The following RAD50 variants were observed in gnomAD, a reference collection of about 807,000 sequenced individuals.
RAD50 encodes the protein DNA repair protein RAD50.
Under a neutral mutation model 168.8 loss-of-function variants are expected in RAD50, and 132 were observed. That is an observed-to-expected ratio of 0.78 (90% CI 0.68 to 0.90). RAD50 has a LOEUF of 0.90. Ranked by LOEUF, RAD50 falls within the 40% of genes least tolerant of loss-of-function variation. The pLI is 0.00. For synonymous variants in RAD50, 525 were observed against 497.4 expected (o/e 1.06, Z -0.74); for missense variants, 1,347 against 1,534.4 (o/e 0.88, Z 2.04).
chr5:132,603,973 A>G lies in RAD50; in HGVS notation c.2451A>G (p.Gln817=). The G allele has an allele frequency of 6.2e-7, 1 of 1,612,650 alleles. No homozygotes were observed. The change falls in exon 15 of 25, where the codon CAA becomes CAG. Residue 817 remains glutamine (Q), a synonymous_variant. Coordinates refer to ENST00000378823, the MANE Select transcript of RAD50 (RefSeq NM_005732.4). ...TTGCACAACAAGCAGCTAAGCTACA[A>G]GGAATAGACTTAGATCGAACTGTCC... The part of the protein sequence containing the change: ...RKIAQQAAKL[Q]GIDLDRTVQQ...
chr5:132,596,918 C>T (rs751178453), intron 13 of RAD50, among the ~76,000 whole-genome samples: 26 of 152,106 alleles, frequency 1.7e-4, no homozygotes, highest in Admixed American at 1.3e-4. Context: ...AGTCAGAACA[C>T]GGTGCAAAGG....
intron 24 of RAD50, 88 bp downstream of exon 24, chr5:132,640,893 T>C: frequency 1.9e-6 from 3 of 1,594,036 alleles, no homozygotes; most frequent in Non-Finnish European, 2.6e-6. Flanking sequence ...AAGAGAGTTC[T>C]GTGATGAAAA....
At chr5:132,619,644 A>G (rs1260600935) in intron 21 of RAD50, among the ~76,000 whole-genome samples, 1 of 152,014 alleles carries the variant, frequency 6.6e-6, no homozygotes, top group Non-Finnish European at 1.5e-5. Context: ...TATGTATTAC[A>G]AATGTCTTTT....
intron 3 of RAD50, among the ~76,000 whole-genome samples, chr5:132,577,980 A>G (rs1750428661): frequency 6.6e-6 from 1 of 151,690 alleles, no homozygotes; most frequent in Non-Finnish European, 1.5e-5. Context: ...ATGCCTGGCT[A>G]ATTTTTGTAC....
Position 132,618,954 on chromosome 5 carries a change from AAC to A in RAD50, c.3389+662_3389+663del, listed in dbSNP as rs891442880. On this transcript the variant is annotated intron_variant, in intron 21 of 24. Coordinates refer to ENST00000378823, the MANE Select transcript of RAD50 (RefSeq NM_005732.4). ...TTTTACTTTCTCTGCTTTTTTAAAA[AAC>A]AGTTTTATCATATATATGTCATATT... Among the ~76,000 whole-genome samples the A allele has an allele frequency of 6.4e-4, 97 of 152,334 alleles. 1 individual carries two copies. The highest frequency in any genetic ancestry group is 2.2e-4 in the Non-Finnish European group (15 of 68,036).
At chr5:132,583,315 AGGTAG>A (rs1750537382) in intron 5 of RAD50, among the ~76,000 whole-genome samples, 1 of 152,188 alleles carries the variant, frequency 6.6e-6, no homozygotes, top group African/African-American at 2.4e-5. Flanking sequence ...TAAGGGTTAA[AGGTAG>A]GATTTGAGTC....
intron 19 of RAD50, among the ~76,000 whole-genome samples, chr5:132,610,824 A>G (rs983000745): frequency 1.3e-5 from 2 of 152,198 alleles, no homozygotes; most frequent in African/African-American, 4.8e-5. Context: ...CTGTATATAT[A>G]TACGAAATTG....
chr5:132,642,346 G>A lies in RAD50; in HGVS notation c.3921G>A (p.Leu1307=). 6.2e-7 allele frequency: 1 copy of A among 1,613,572 alleles called. No homozygotes were observed. The highest frequency in any genetic ancestry group is 2.2e-5 in the East Asian group (1 of 44,878). The change falls in exon 25 of 25, where the codon CTG becomes CTA. Residue 1307 remains leucine, a synonymous_variant. Coordinates refer to ENST00000378823, the MANE Select transcript of RAD50 (RefSeq NM_005732.4). The part of the protein sequence containing the change: ...SEIVKCSVSS[L]GFNVH ...TTGTGAAATGCAGTGTTAGCTCCCT[G>A]GGATTCAATGTTCATTAAAAATATC...
chr5:132,602,049 A>G (rs1376464236), intron 13 of RAD50, among the ~76,000 whole-genome samples: 3 of 152,190 alleles, frequency 2.0e-5, no homozygotes, highest in Non-Finnish European at 4.4e-5. Flanking sequence ...TCATGGGTGC[A>G]GCAAACCACC....
chr5:132,588,919 C>A (rs1359019381), intron 8 of RAD50, 39 bp downstream of exon 8: 18 of 1,562,330 alleles, frequency 1.2e-5, no homozygotes, highest in Non-Finnish European at 1.4e-5. Flanking sequence ...ATTTTGTTTG[C>A]ATCATATTCT....
intron 17 of RAD50, 76 bp from the exon 18 acceptor site, chr5:132,609,041 C>CCAGT (rs1751035891): frequency 3.8e-6 from 6 of 1,565,682 alleles, no homozygotes; most frequent in Non-Finnish European, 4.3e-6. Flanking sequence ...AACTTCCCAG[C>CCAGT]CAGTGTTTTA....
intron 21 of RAD50, among the ~76,000 whole-genome samples, chr5:132,626,192 T>A (rs781661753): frequency 5.9e-5 from 9 of 152,220 alleles, no homozygotes; most frequent in Non-Finnish European, 1.2e-4. Context: ...TTTATCCATT[T>A]ATCTGTTGAT....
In RAD50 at chr5:132,640,793, A is replaced by T. The variant is rs1397349878; in HGVS notation, c.3740A>T (p.His1247Leu). The T allele has an allele frequency of 6.2e-7, 1 of 1,613,190 alleles. No individual in the cohort carries two copies. Among genetic ancestry groups the T allele is most frequent in the Non-Finnish European group, 8.5e-7 (1 of 1,179,474 alleles). ...LDRENIESLA[H>L]ALVEIIKSRS... ...CGAGAAAACATTGAATCTCTTGCAC[A>T]TGCTCTGGTTGAGTAAGTATCTCTT... The change falls in exon 24 of 25, where the codon CAT becomes CTT. Residue 1247 changes from histidine (H) to leucine (L), a missense_variant. Transcript: ENST00000378823.
At chr5:132,582,632 C>A (rs1178777548) in intron 5 of RAD50, among the ~76,000 whole-genome samples, 1 of 152,152 alleles carries the variant, frequency 6.6e-6, no homozygotes, top group African/African-American at 2.4e-5. Context: ...CTACTTAGAT[C>A]TGTTTTCCTT....
chr5:132,603,439 G>C lies in RAD50; in HGVS notation c.2347G>C (p.Glu783Gln). The C allele has an allele frequency of 6.2e-7, 1 of 1,614,016 alleles. No individual in the cohort carries two copies. Among genetic ancestry groups the C allele is most frequent in the East Asian group, 2.2e-5 (1 of 44,830 alleles). Reference protein sequence around the residue: ...TLLGTIMPEEESAKVCLTDVT... With the variant: ...TLLGTIMPEEQSAKVCLTDVT... Reference sequence around the variant, plus strand: ...CTTGGGTACAATAATGCCTGAAGAAGAAAGTGCCAAAGTATGCCTGACAGA... The same window carrying C: ...CTTGGGTACAATAATGCCTGAAGAACAAAGTGCCAAAGTATGCCTGACAGA... The change falls in exon 14 of 25, where the codon GAA (glutamate) becomes CAA (glutamine). Residue 783 changes from glutamate (E) to glutamine (Q), a missense_variant. Glu to Gln is a conservative substitution (Grantham distance 29). This residue lies in a region of RAD50 where 635 missense variants were observed against 739.2 expected (regional missense o/e 0.86). Coordinates refer to ENST00000378823, the MANE Select transcript of RAD50 (RefSeq NM_005732.4).
chr5:132,614,683 T>A (rs928618680), intron 19 of RAD50, among the ~76,000 whole-genome samples: 3 of 152,174 alleles, frequency 2.0e-5, no homozygotes, highest in South Asian at 4.1e-4. Context: ...TGTATTTTTT[T>A]ATTGTACTAT....
intron 16 of RAD50, among the ~76,000 whole-genome samples, chr5:132,607,866 G>A (rs569058630): frequency 3.3e-5 from 5 of 152,250 alleles, no homozygotes; most frequent in South Asian, 4.1e-4. Flanking sequence ...CTAAATAATT[G>A]TATCTACCTC....
chr5:132,625,052 CTG>C (rs1751348604), intron 21 of RAD50, among the ~76,000 whole-genome samples: 1 of 151,728 alleles, frequency 6.6e-6, no homozygotes, highest in African/African-American at 2.4e-5. Flanking sequence ...GTTAAAAGTG[CTG>C]TCTCTGAACA....
At chr5:132,558,040 TA>T (rs1268343831) in intron 1 of RAD50, among the ~76,000 whole-genome samples, 1 of 151,932 alleles carries the variant, frequency 6.6e-6, no homozygotes, top group Non-Finnish European at 1.5e-5. Flanking sequence ...GGAATATTTA[TA>T]AATTTGAATG....
Sources: allele counts gnomAD v4.1 joint callset (sites outside exome capture counted in the v4.1 genomes callset), GRCh38; gene constraint gnomAD v4.1.1; regional missense constraint gnomAD v4.1.1; transcripts MANE v1.5; gene names NCBI Gene and HGNC (gene_info 2026-07-23, HGNC 2026-07-21).